Variants in AK9 observed in about 807,000 individuals in gnomAD.
AK9 encodes adenylate kinase 9, also known as adenylate kinase domain containing 1.
A neutral mutation model predicts 239.6 loss-of-function variants in AK9; 191 were observed. The ratio of observed to expected loss-of-function variants is 0.80; its 90% CI spans 0.71 to 0.90. The LOEUF is 0.90. Among genes scored for constraint, AK9 ranks in the 40% least tolerant of loss-of-function variants. The probability of loss-of-function intolerance (pLI) is 0.00; values close to 1 mark genes in which losing one functional copy is unlikely to be tolerated. For synonymous variants in AK9, 689 were observed against 721.0 expected, an observed-to-expected ratio of 0.96 and a Z score of 0.71; for missense variants, 1,995 against 2,214.7, an observed-to-expected ratio of 0.90 and a Z score of 1.99.
intron 29 of AK9, 48 bp downstream of exon 29, chr6:109,528,963 G>A (rs769561531): frequency 6.3e-7 from 1 of 1,588,216 alleles, no homozygotes; most frequent in Admixed American, 1.8e-5. Flanking sequence ...CCCTGCCCTG[G>A]GCAACAGAGT....
At chr6:109,628,221 G>C (rs1220644787) in intron 12 of AK9, among the ~76,000 whole-genome samples, 1 of 152,212 alleles carries the variant, frequency 6.6e-6, no homozygotes, top group Non-Finnish European at 1.5e-5. Context: ...TCAACCTCCA[G>C]TATCTGTTCT....
chr6:109,653,799 G>A (rs1583446167), intron 8 of AK9, among the ~76,000 whole-genome samples: 1 of 151,914 alleles, frequency 6.6e-6, no homozygotes, highest in Non-Finnish European at 1.5e-5. Context: ...CTCTCAAAGT[G>A]TTGGGATTAC....
chr6:109,662,579 AGG>A lies in AK9; in HGVS notation c.414_415del (p.Leu139GlufsTer3). 1 of 1,574,292 alleles carries A rather than the reference AGG, an allele frequency of 6.4e-7. No homozygotes were observed. ...TATATTGATTATAACATCAGGTTTC[AGG>A]TTTAAGTTTTTAATTAATTCTATTT... On this transcript the variant is annotated frameshift_variant, in exon 6 of 41. Coordinates refer to ENST00000424296, the MANE Select transcript of AK9 (RefSeq NM_001145128.3). LOFTEE classifies it high-confidence loss of function.
chr6:109,679,812 CAG>C (rs1772351507), intron 1 of AK9, among the ~76,000 whole-genome samples: 2 of 152,186 alleles, frequency 1.3e-5, no homozygotes, highest in African/African-American at 4.8e-5. Flanking sequence ...CCCAGGAAAA[CAG>C]AGTCTAGAGT....
At position 109,516,540 on chromosome 6, in the gene AK9, CTT is replaced by C; in HGVS notation, c.3734_3735del (p.Glu1245GlyfsTer8). 6.4e-7 allele frequency: 1 copy of C among 1,551,696 alleles called. No individual in the cohort carries two copies. Among genetic ancestry groups the C allele is most frequent in the Non-Finnish European group, 8.7e-7 (1 of 1,147,020 alleles). On this transcript the variant is annotated frameshift_variant, in exon 30 of 41. Transcript: ENST00000424296. LOFTEE classifies it high-confidence loss of function. ...TCTTCATCTTCCTCGCCACTCATCTCTTCCTCATCTTTTGGAAACTCATCTTC... is the reference window on the plus strand; with the variant it reads ...TCTTCATCTTCCTCGCCACTCATCTCCCTCATCTTTTGGAAACTCATCTTC... ...ILEDEFPKDE[E>X]EMSGEEDEEQ...
At chr6:109,563,796 T>C in intron 23 of AK9, 84 bp from the exon 24 acceptor site, 3 of 1,371,172 alleles carry the variant, frequency 2.2e-6, no homozygotes, top group Non-Finnish European at 9.8e-7. Context: ...GTTGGGAAAA[T>C]TGATTATTAT....
chr6:109,503,878 C>T (rs2128102769), intron 35 of AK9, among the ~76,000 whole-genome samples: 1 of 152,296 alleles, frequency 6.6e-6, no homozygotes, highest in African/African-American at 2.4e-5. Flanking sequence ...GGAGAGGATA[C>T]AAAGCCTGGA....
At chr6:109,616,872 T>G (rs1351303464) in intron 13 of AK9, among the ~76,000 whole-genome samples, 1 of 152,124 alleles carries the variant, frequency 6.6e-6, no homozygotes, top group Non-Finnish European at 1.5e-5. Flanking sequence ...ACTATACTTC[T>G]TTTCAAATTA....
chr6:109,669,071 T>A (rs1416826843), intron 5 of AK9, among the ~76,000 whole-genome samples: 1 of 150,420 alleles, frequency 6.6e-6, no homozygotes, highest in Admixed American at 6.7e-5. Context: ...TTTTATTTCA[T>A]TGAGCAGTGG....
intron 12 of AK9, among the ~76,000 whole-genome samples, chr6:109,626,392 A>C (rs1795532187): frequency 6.6e-6 from 1 of 152,124 alleles, no homozygotes; most frequent in African/African-American, 2.4e-5. Flanking sequence ...CATGTTGGAC[A>C]TTGTGGATGA....
At chr6:109,671,660 A>G (rs1040458142) in intron 5 of AK9, among the ~76,000 whole-genome samples, 12 of 152,264 alleles carry the variant, frequency 7.9e-5, no homozygotes, top group East Asian at 5.8e-4. Flanking sequence ...GATGGACCAC[A>G]GCAGATTTCT....
Position 109,673,220 on chromosome 6 carries a change from AGT to A in AK9, c.181+976_181+977del, listed in dbSNP as rs970046071. Among the ~76,000 whole-genome samples, 253 of 151,596 alleles carry A rather than the reference AGT, an allele frequency of 1.7e-3. 3 individuals are homozygous for A. Among genetic ancestry groups the A allele is most frequent in the Middle Eastern group, 6.8e-3 (2 of 294 alleles). ...ACTTTTAGAGTTGTGTGTGTGTGTG[AGT>A]GTGTGTGTGTTATGTATTACAAATT... On this transcript the variant is annotated intron_variant, in intron 3 of 40. Transcript: ENST00000424296.
At chr6:109,608,668 T>TA (rs1478575913) in intron 17 of AK9, among the ~76,000 whole-genome samples, 2 of 152,054 alleles carry the variant, frequency 1.3e-5, no homozygotes, top group African/African-American at 4.8e-5. Flanking sequence ...GGTAGGCAAA[T>TA]ATTTCTGAAA....
At chr6:109,578,313 CCCT>C (rs1045275629) in intron 20 of AK9, among the ~76,000 whole-genome samples, 2 of 152,074 alleles carry the variant, frequency 1.3e-5, no homozygotes, top group African/African-American at 4.8e-5. Flanking sequence ...AAGTGATCCG[CCCT>C]CCTCAGCCTC....
At chr6:109,663,923 T>A (rs1239034262) in intron 5 of AK9, among the ~76,000 whole-genome samples, 1 of 152,212 alleles carries the variant, frequency 6.6e-6, no homozygotes, top group African/African-American at 2.4e-5. Flanking sequence ...AATATATCTA[T>A]GTGAAACTAC....
chr6:109,627,254 T>C (rs906179005), intron 12 of AK9, among the ~76,000 whole-genome samples: 5 of 149,602 alleles, frequency 3.3e-5, no homozygotes, highest in South Asian at 4.4e-4. Context: ...AGAACATGCA[T>C]GGAGCTGTCA....
chr6:109,594,400 A>G (rs1474853863), intron 17 of AK9, among the ~76,000 whole-genome samples: 2 of 152,216 alleles, frequency 1.3e-5, no homozygotes, highest in East Asian at 3.8e-4. Context: ...ATGCTCATGG[A>G]TAGGAAGAAT....
intron 29 of AK9, among the ~76,000 whole-genome samples, chr6:109,524,218 T>C (rs972703868): frequency 7.9e-5 from 12 of 151,888 alleles, no homozygotes; most frequent in Non-Finnish European, 2.9e-5. Context: ...AAAAATACAA[T>C]ATTTGAAATT....
At chr6:109,675,798 G>T in intron 1 of AK9, 42 bp from the exon 2 acceptor site, 1 of 1,164,050 alleles carries the variant, frequency 8.6e-7, no homozygotes, top group Non-Finnish European at 1.2e-6. Context: ...GTCTAATTTG[G>T]TTGGATGAGG....
Sources: allele counts gnomAD v4.1 joint callset (sites outside exome capture counted in the v4.1 genomes callset), GRCh38; gene constraint gnomAD v4.1.1; transcripts MANE v1.5; gene names NCBI Gene and HGNC (gene_info 2026-07-23, HGNC 2026-07-21).